Variants in ATP11B observed in about 807,000 individuals in gnomAD.
ATP11B encodes ATPase phospholipid transporting 11B (putative), also known as phospholipid-transporting ATPase IF.
ATP11B carries 81 observed loss-of-function variants against 157.8 expected under a neutral mutation model. The observed-to-expected ratio is 0.51, with a 90% CI of 0.43 to 0.62. The LOEUF (loss-of-function observed/expected upper bound fraction) is 0.62. ATP11B is among the 20% of genes least tolerant of loss of function. The probability of loss-of-function intolerance (pLI) is 0.00; values close to 1 mark genes in which losing one functional copy is unlikely to be tolerated. For synonymous variants in ATP11B, 451 were observed against 469.4 expected, an observed-to-expected ratio of 0.96 and a Z score of 0.51; for missense variants, 1,165 against 1,402.2, an observed-to-expected ratio of 0.83 and a Z score of 2.70.
At chr3:182,803,221 T>G (rs752528353) in intron 1 of ATP11B, among the ~76,000 whole-genome samples, 1 of 152,226 alleles carries the variant, frequency 6.6e-6, no homozygotes, top group Non-Finnish European at 1.5e-5. Context: ...CTCAACACTT[T>G]GTACTGTCAG....
Position 182,889,452 on chromosome 3 carries a change from T to C in ATP11B, c.2886T>C (p.Leu962=), listed in dbSNP as rs1232835699. 6.3e-7 allele frequency: 1 copy of C among 1,579,176 alleles called. No homozygotes were observed. Among genetic ancestry groups the C allele is most frequent in the African/African-American group, 1.4e-5 (1 of 72,436 alleles). Residue 962 remains leucine (L), a synonymous_variant, in exon 25 of 30, where the codon CTT becomes CTC. Coordinates refer to ENST00000323116, the MANE Select transcript of ATP11B (RefSeq NM_014616.3). ...GCCTCTTAAGTATTAAAACATTTCTTTATTGGACCATCCTGGGCTTCAGTC... is the reference window on the plus strand; with the variant it reads ...GCCTCTTAAGTATTAAAACATTTCTCTATTGGACCATCCTGGGCTTCAGTC... ...KNRLLSIKTF[L]YWTILGFSHA... is the part of the protein sequence containing the mutation.
rs1389031990 is a variant in ATP11B at position 182,793,776 on chromosome 3, G to C, written c.17G>C (p.Arg6Pro). The C allele has an allele frequency of 2.1e-5, 30 of 1,402,592 alleles. No individual in the cohort carries two copies. The highest frequency in any genetic ancestry group is 3.2e-5 in the East Asian group (1 of 31,462). The allele number at this position is 1,402,592 out of a possible 1,614,324, so 86.9% of individuals were successfully genotyped here. A position where few individuals can be genotyped will look rare whatever the true frequency, so the allele number is the denominator to read the frequency against. The change falls in exon 1 of 30, where the codon CGG (arginine) becomes CCG (proline). Residue 6 changes from arginine to proline, a missense_variant. Arg to Pro is a moderately radical substitution (Grantham distance 103). Transcript: ENST00000323116. MWRWI[R>P]QQLGFDPPHQ... is the part of the protein sequence containing the mutation. Reference sequence around the variant, plus strand: ...GACGGGGGAATGTGGCGCTGGATCCGGCAGCAGCTGGTAGGTGCCCCCGCC... The same window carrying C: ...GACGGGGGAATGTGGCGCTGGATCCCGCAGCAGCTGGTAGGTGCCCCCGCC...
chr3:182,884,703 A>G (rs1232970739), intron 21 of ATP11B, 50 bp from the exon 22 acceptor site: 7 of 1,527,468 alleles, frequency 4.6e-6, no homozygotes, highest in Non-Finnish European at 3.5e-6. Flanking sequence ...CAGATTTATC[A>G]TGAAAATTAC....
In ATP11B at chr3:182,822,226, G is replaced by A. The variant is rs527853472; in HGVS notation, c.144+1850G>A. Among the ~76,000 whole-genome samples, 5 of 151,566 alleles carry A rather than the reference G, an allele frequency of 3.3e-5. No homozygotes were observed. In the East Asian group the frequency reaches 5.8e-4, roughly 18 times the overall value. On this transcript the variant is annotated intron_variant, in intron 2 of 29. Coordinates refer to ENST00000323116, the MANE Select transcript of ATP11B (RefSeq NM_014616.3). Reference sequence around the variant, plus strand: ...ATTGGTGTGCTTCACCCATTAACTCGTCATTTACATTAGGTATATCTCCTA... The same window carrying A: ...ATTGGTGTGCTTCACCCATTAACTCATCATTTACATTAGGTATATCTCCTA...
intron 6 of ATP11B, among the ~76,000 whole-genome samples, chr3:182,836,825 A>T (rs1466297998): frequency 6.6e-6 from 1 of 152,192 alleles, no homozygotes; most frequent in Non-Finnish European, 1.5e-5. Context: ...TACTTATGAT[A>T]AAGTAATAGT....
At chr3:182,814,210 C>T (rs7624576) in intron 1 of ATP11B, among the ~76,000 whole-genome samples, 107,309 of 151,836 alleles carry the variant, frequency 0.71, 38,367 homozygotes, top group Non-Finnish European at 0.76. Flanking sequence ...ATTACAGGCA[C>T]GCACCACCAC....
chr3:182,859,469 C>T (rs915230703), intron 12 of ATP11B, 110 bp downstream of exon 12: 5 of 923,102 alleles, frequency 5.4e-6, no homozygotes, highest in East Asian at 2.9e-5. Context: ...CAAAAACAAC[C>T]CCCCTTTGCT....
At chr3:182,898,534 G>T (rs1397438505) in intron 27 of ATP11B, 73 bp from the exon 28 acceptor site, 6 of 1,197,870 alleles carry the variant, frequency 5.0e-6, no homozygotes, top group African/African-American at 1.6e-5. Flanking sequence ...TTCAACTGTA[G>T]TGTCTTTATA....
chr3:182,812,891 C>T (rs765339425), intron 1 of ATP11B, among the ~76,000 whole-genome samples: 6 of 152,192 alleles, frequency 3.9e-5, no homozygotes, highest in Non-Finnish European at 7.3e-5. Flanking sequence ...CCTTACTCAA[C>T]CCCTGGCAAC....
At chr3:182,884,094 ATTTT>A (rs1365867653) in intron 21 of ATP11B, among the ~76,000 whole-genome samples, 1 of 151,976 alleles carries the variant, frequency 6.6e-6, no homozygotes, top group Non-Finnish European at 1.5e-5. Context: ...TTGAAAAATA[ATTTT>A]TTTAAGTTGC....
intron 29 of ATP11B, chr3:182,916,468 C>T (rs1347802719): frequency 1.0e-6 from 1 of 985,228 alleles, no homozygotes; most frequent in Non-Finnish European, 1.2e-6. Context: ...TTGATGTTGT[C>T]AATGAAGTAT....
Position 182,870,986 on chromosome 3 carries a change from G to A in ATP11B, c.1867-1370G>A, listed in dbSNP as rs150466043. Among the ~76,000 whole-genome samples the A allele has an allele frequency of 3.9e-3, 580 of 150,164 alleles. 6 individuals are homozygous for A. The highest frequency in any genetic ancestry group is 0.014 in the African/African-American group (555 of 40,736). On this transcript the variant is annotated intron_variant, in intron 17 of 29. Transcript: ENST00000323116. ...TGTTATATAGTATTTTTAAGTCTAC[G>A]CTTTCCAAGTTGTTATTAGGATATT... is the stretch of plus-strand genomic sequence containing the variant.
At chr3:182,911,882 T>C (rs902249227) in intron 28 of ATP11B, among the ~76,000 whole-genome samples, 4 of 152,048 alleles carry the variant, frequency 2.6e-5, no homozygotes, top group African/African-American at 9.7e-5. Context: ...ATGGAGACGG[T>C]AGGATTTAAG....
chr3:182,891,882 C>G (rs1723199207), intron 25 of ATP11B, among the ~76,000 whole-genome samples: 1 of 152,140 alleles, frequency 6.6e-6, no homozygotes, highest in Non-Finnish European at 1.5e-5. Flanking sequence ...AGTTTTCTCA[C>G]CTGTGAAAAG....
rs1324054899 is a variant in ATP11B, at chr3:182,921,251, A to T, written c.*3147A>T. 6.6e-6 allele frequency: 1 copy of T among 152,234 alleles called. No individual in the cohort carries two copies. Among genetic ancestry groups the T allele is most frequent in the African/African-American group, 2.4e-5 (1 of 41,458 alleles). 9.4% of individuals were successfully genotyped at this position (152,234 alleles called of 1,614,324 possible). On this transcript the variant is annotated 3_prime_UTR_variant, in exon 30 of 30. Coordinates refer to ENST00000323116, the MANE Select transcript of ATP11B (RefSeq NM_014616.3). ...AACACACCAAAGAGTTACGTAAAAC[A>T]TGTTTTATTAATTTTGGTCCCCACG...
At chr3:182,878,216 T>A (rs1206403761) in intron 19 of ATP11B, among the ~76,000 whole-genome samples, 1 of 152,254 alleles carries the variant, frequency 6.6e-6, no homozygotes, top group Non-Finnish European at 1.5e-5. Flanking sequence ...TTAGGCATAC[T>A]ATGAAAGACA....
At position 182,872,437 on chromosome 3, in the gene ATP11B, G is replaced by A. The variant is rs759978012; in HGVS notation, c.1948G>A (p.Ala650Thr). 2 of 1,614,086 alleles carry A rather than the reference G, an allele frequency of 1.2e-6. No individual in the cohort carries two copies. Among genetic ancestry groups the A allele is most frequent in the Non-Finnish European group, 1.7e-6 (2 of 1,179,958 alleles). ...GGAAATAGATAAACGCATATTTGAA[G>A]CCAGGACTGCCTTGCAGCAGCGGGA... ...YEEIDKRIFE[A>T]RTALQQREEK... Residue 650 changes from alanine to threonine, a missense_variant, in exon 18 of 30, where the codon GCC becomes ACC. Transcript: ENST00000323116.
At chr3:182,794,935 T>A (rs554832057) in intron 1 of ATP11B, among the ~76,000 whole-genome samples, 1 of 152,262 alleles carries the variant, frequency 6.6e-6, no homozygotes, top group East Asian at 1.9e-4. Context: ...TAACTCTTTT[T>A]CCCTTCTGCT....
intron 1 of ATP11B, among the ~76,000 whole-genome samples, chr3:182,801,237 A>G (rs1311473171): frequency 6.6e-6 from 1 of 152,210 alleles, no homozygotes; most frequent in Non-Finnish European, 1.5e-5. Flanking sequence ...AAGGATATTA[A>G]TTAGTTAAGC....
Sources: allele counts gnomAD v4.1 joint callset (sites outside exome capture counted in the v4.1 genomes callset), GRCh38; gene constraint gnomAD v4.1.1; transcripts MANE v1.5; gene names NCBI Gene and HGNC (gene_info 2026-07-23, HGNC 2026-07-21).